The following ZNF569 variants were observed in gnomAD, a reference collection of about 807,000 sequenced individuals.
The protein encoded by ZNF569 is DNA-binding protein.
Under a neutral mutation model 56.3 loss-of-function variants are expected in ZNF569, and 38 were observed. That is an observed-to-expected ratio of 0.68 (90% CI 0.52 to 0.88). The LOEUF is 0.88. Among genes scored for constraint, ZNF569 ranks in the 40% least tolerant of loss-of-function variants. ZNF569 has a pLI of 0.00. For missense variants in ZNF569, 666 were observed against 809.2 expected, an observed-to-expected ratio of 0.82 and a Z score of 2.15; for synonymous variants, 241 against 262.9, an observed-to-expected ratio of 0.92 and a Z score of 0.81.
chr19:37,468,074 T>A, upstream of ZNF569: 1 of 714,090 alleles, frequency 1.4e-6, no homozygotes, highest in Non-Finnish European at 2.2e-6. Flanking sequence ...CTTTCGTGTT[T>A]TTTTTTTTTT....
intron 4 of ZNF569, 66 bp from the exon 5 acceptor site, chr19:37,426,029 A>C: frequency 1.3e-6 from 2 of 1,535,390 alleles, no homozygotes; most frequent in South Asian, 2.3e-5. Context: ...CCAAAAATTG[A>C]GGCTGGCCCA....
intron 3 of ZNF569, among the ~76,000 whole-genome samples, chr19:37,439,163 C>T (rs957198772): frequency 1.2e-4 from 18 of 152,116 alleles, no homozygotes; most frequent in South Asian, 2.1e-4. Flanking sequence ...CTCCGCCTCC[C>T]GGGTTCAAGC....
intron 2 of ZNF569, among the ~76,000 whole-genome samples, chr19:37,447,083 C>T (rs990309383): frequency 6.6e-6 from 1 of 151,978 alleles, no homozygotes; most frequent in Non-Finnish European, 1.5e-5. Flanking sequence ...TAGCCATAAT[C>T]AAAAAATAAT....
At chr19:37,424,144 A>C (rs1350681351) in intron 5 of ZNF569, among the ~76,000 whole-genome samples, 2 of 152,212 alleles carry the variant, frequency 1.3e-5, no homozygotes, top group African/African-American at 4.8e-5. Context: ...GTGATTATTG[A>C]AGTATGAGAG....
rs1415332779 is a variant in ZNF569 at position 37,414,032 on chromosome 19, G to A, written c.626C>T (p.Thr209Ile). ...ACTACATTCATAGGGCTTCTCTCCA[G>A]TATGAATTCTCAGATGTCTGATGAG... Reference protein sequence around the residue: ...LDLIRHLRIHTGEKPYECSNC... With the variant: ...LDLIRHLRIHIGEKPYECSNC... The change falls in exon 6 of 6, where the codon ACT (threonine) becomes ATT (isoleucine). Residue 209 changes from threonine to isoleucine, a missense_variant. Physicochemically the swap from Thr to Ile is moderately conservative, Grantham distance 89. Coordinates refer to ENST00000316950, the MANE Select transcript of ZNF569 (RefSeq NM_152484.3). 6.2e-7 allele frequency: 1 copy of A among 1,613,348 alleles called. No homozygotes were observed. The highest frequency in any genetic ancestry group is 1.7e-5 in the Admixed American group (1 of 59,970).
chr19:37,449,626 C>G (rs764380405), intron 2 of ZNF569, among the ~76,000 whole-genome samples: 4 of 149,572 alleles, frequency 2.7e-5, no homozygotes, highest in Non-Finnish European at 5.9e-5. Flanking sequence ...TAAACTTTGT[C>G]TAATATTAAA....
chr19:37,436,677 G>C (rs967515182), intron 3 of ZNF569, among the ~76,000 whole-genome samples: 1 of 151,970 alleles, frequency 6.6e-6, no homozygotes, highest in Non-Finnish European at 1.5e-5. Flanking sequence ...AGGATCATTA[G>C]AAGCTACTGT....
chr19:37,422,626 A>C (rs912876922), intron 5 of ZNF569, among the ~76,000 whole-genome samples: 3 of 152,238 alleles, frequency 2.0e-5, no homozygotes, highest in African/African-American at 7.2e-5. Flanking sequence ...AATAAAATAA[A>C]GCATAATAAC....
At position 37,413,340 on chromosome 19, in the gene ZNF569, A is replaced by T; in HGVS notation, c.1318T>A (p.Cys440Ser). ...KIHTREKPYECNECGKAFIQM... is the reference protein window; with the variant it reads ...KIHTREKPYESNECGKAFIQM... ...ATAAAAGCTTTCCCACATTCATTAC[A>T]CTCATAAGGTTTCTCTCTAGTATGA... Residue 440 changes from cysteine (C) to serine (S), a missense_variant, in exon 6 of 6, where the codon TGT becomes AGT. By Grantham distance (112) the Cys-to-Ser change is moderately radical. Coordinates refer to ENST00000316950, the MANE Select transcript of ZNF569 (RefSeq NM_152484.3). 1.2e-6 allele frequency: 2 copies of T among 1,606,082 alleles called. No individual in the cohort carries two copies. Among genetic ancestry groups the T allele is most frequent in the Non-Finnish European group, 8.5e-7 (1 of 1,177,586 alleles).
At position 37,425,660 on chromosome 19, in the gene ZNF569, T is replaced by TCACTATGTTGCCCAGGCTGGTCCCA. The variant is rs1386179095; in HGVS notation, c.238+183_238+207dup. Reference sequence around the variant, plus strand: ...TCTTTTTTTTTTAAGAGATGAGGTCTCACTATGTTGCCCAGGCTGGTCCCA... The same window carrying TCACTATGTTGCCCAGGCTGGTCCCA: ...TCTTTTTTTTTTAAGAGATGAGGTCTCACTATGTTGCCCAGGCTGGTCCCACACTATGTTGCCCAGGCTGGTCCCA... On this transcript the variant is annotated intron_variant, in intron 5 of 5. Transcript: ENST00000316950. 5 of 415,978 alleles carry TCACTATGTTGCCCAGGCTGGTCCCA rather than the reference T, an allele frequency of 1.2e-5. No individual in the cohort carries two copies. The East Asian group carries it at 2.0e-4, about 16-fold the overall frequency. The allele number at this position is 415,978 out of a possible 1,614,324, so 25.8% of individuals were successfully genotyped here.
intron 5 of ZNF569, among the ~76,000 whole-genome samples, chr19:37,419,561 A>G (rs1023460313): frequency 1.3e-5 from 2 of 152,030 alleles, no homozygotes; most frequent in Non-Finnish European, 2.9e-5. Flanking sequence ...GTCTCTACTA[A>G]AAATTCAAAA....
chr19:37,438,067 C>T (rs1266773893), intron 3 of ZNF569, among the ~76,000 whole-genome samples: 2 of 152,050 alleles, frequency 1.3e-5, no homozygotes. Context: ...AATTATACTA[C>T]AAAACTACAG....
In ZNF569 at chr19:37,411,978, T is replaced by G. The variant is rs1720661578; in HGVS notation, c.*619A>C. 1 of 152,202 alleles carries G rather than the reference T, an allele frequency of 6.6e-6. No homozygotes were observed. The highest frequency in any genetic ancestry group is 2.4e-5 in the African/African-American group (1 of 41,468). 9.4% of individuals were successfully genotyped at this position (152,202 alleles called of 1,614,324 possible). A position where few individuals can be genotyped will look rare whatever the true frequency, so the allele number is the denominator to read the frequency against. ...TTGTCAAGTTTGTTTCAGCTATTTG[T>G]GTTTCTTTACTTTTCCACATAAAAT... is the stretch of plus-strand genomic sequence containing the variant. On this transcript the variant is annotated 3_prime_UTR_variant, in exon 6 of 6. Coordinates refer to ENST00000316950, the MANE Select transcript of ZNF569 (RefSeq NM_152484.3).
chr19:37,416,059 C>A (rs1329049723), intron 5 of ZNF569, among the ~76,000 whole-genome samples: 2 of 151,280 alleles, frequency 1.3e-5, no homozygotes, highest in African/African-American at 2.4e-5. Flanking sequence ...ATGGCAAAAC[C>A]CCATTTCTAC....
At chr19:37,449,516 C>A (rs939189398) in intron 2 of ZNF569, among the ~76,000 whole-genome samples, 16 of 152,110 alleles carry the variant, frequency 1.1e-4, no homozygotes, top group Admixed American at 3.9e-4. Context: ...CCTCGTATAT[C>A]TTGAAGCTCT....
chr19:37,466,456 C>T (rs1378480072), intron 1 of ZNF569, among the ~76,000 whole-genome samples: 2 of 151,960 alleles, frequency 1.3e-5, no homozygotes, highest in East Asian at 1.9e-4. Context: ...ATGGAGAAAC[C>T]CCGTCTCTAC....
chr19:37,426,128 G>A, intron 4 of ZNF569, 124 bp downstream of exon 4: 1 of 1,326,356 alleles, frequency 7.5e-7, no homozygotes, highest in Non-Finnish European at 1.0e-6. Context: ...ATTCACATGA[G>A]CAAAAGCATC....
At chr19:37,436,426 A>G (rs188824590) in intron 3 of ZNF569, among the ~76,000 whole-genome samples, 7 of 152,164 alleles carry the variant, frequency 4.6e-5, no homozygotes, top group Admixed American at 6.5e-5. Flanking sequence ...TGCATCTTAA[A>G]AGAACTAGAA....
intron 2 of ZNF569, among the ~76,000 whole-genome samples, chr19:37,457,060 T>C (rs1233594828): frequency 0.026 from 3 of 116 alleles, 1 homozygote; most frequent in South Asian, 0.5. Context: ...ACCCTTAATC[T>C]ATATTCAGCA....
Sources: allele counts gnomAD v4.1 joint callset (sites outside exome capture counted in the v4.1 genomes callset), GRCh38; gene constraint gnomAD v4.1.1; transcripts MANE v1.5; gene names NCBI Gene and HGNC (gene_info 2026-07-23, HGNC 2026-07-21).